Variants in TMEM132C observed in about 807,000 individuals in gnomAD.
The protein encoded by TMEM132C is protein phosphatase 1, regulatory subunit 152.
Under a neutral mutation model 61.4 loss-of-function variants are expected in TMEM132C, and 29 were observed. The observed-to-expected ratio is 0.47, with a 90% CI of 0.35 to 0.64. The LOEUF (loss-of-function observed/expected upper bound fraction) is 0.64. Ranked by LOEUF, TMEM132C falls within the 30% of genes least tolerant of loss-of-function variation. The pLI is 0.00. For missense variants in TMEM132C, 1,408 were observed against 1,476.9 expected (o/e 0.95, Z 0.76); for synonymous variants, 656 against 633.1 (o/e 1.04, Z -0.54).
intron 1 of TMEM132C, among the ~76,000 whole-genome samples, chr12:128,395,585 C>G (rs1164749859): frequency 1.3e-5 from 2 of 152,178 alleles, no homozygotes; most frequent in African/African-American, 4.8e-5. Context: ...GTGTTCAGAA[C>G]ACTTACATTA....
At chr12:128,307,929 C>T (rs1871838340) in intron 1 of TMEM132C, among the ~76,000 whole-genome samples, 1 of 152,190 alleles carries the variant, frequency 6.6e-6, no homozygotes, top group Non-Finnish European at 1.5e-5. Context: ...GACTGTCAGT[C>T]CCTTAGGGTG....
chr12:128,379,073 C>G (rs927091762), intron 1 of TMEM132C, among the ~76,000 whole-genome samples: 1 of 152,170 alleles, frequency 6.6e-6, no homozygotes, highest in Non-Finnish European at 1.5e-5. Context: ...GTAAATGGCC[C>G]AGTCTTTGGT....
At chr12:128,562,164 T>G (rs991049568) in intron 3 of TMEM132C, among the ~76,000 whole-genome samples, 1 of 152,198 alleles carries the variant, frequency 6.6e-6, no homozygotes. Flanking sequence ...CCATGTGGCT[T>G]GGCGCCAAGC....
intron 4 of TMEM132C, among the ~76,000 whole-genome samples, chr12:128,625,682 A>G (rs1486762403): frequency 1.3e-5 from 2 of 152,240 alleles, no homozygotes; most frequent in African/African-American, 4.8e-5. Flanking sequence ...CCGTGATTCA[A>G]TTATTTCCCA....
intron 2 of TMEM132C, among the ~76,000 whole-genome samples, chr12:128,534,365 G>A (rs12366290): frequency 0.54 from 82,821 of 152,050 alleles, 23,281 homozygotes; most frequent in Non-Finnish European, 0.61. Context: ...ATGCATTGCA[G>A]TGTCTAGCAC....
At chr12:128,482,676 C>T (rs781739775) in intron 2 of TMEM132C, among the ~76,000 whole-genome samples, 1 of 151,960 alleles carries the variant, frequency 6.6e-6, no homozygotes, top group East Asian at 1.9e-4. Context: ...TTCAGGGATT[C>T]GACTTCTTCC....
chr12:128,581,319 A>G (rs915839422), intron 3 of TMEM132C, among the ~76,000 whole-genome samples: 8 of 151,942 alleles, frequency 5.3e-5, no homozygotes, highest in East Asian at 1.9e-4. Context: ...TGCAAATCAC[A>G]GTGAGTTCCA....
At chr12:128,332,616 C>T (rs1375686701) in intron 1 of TMEM132C, among the ~76,000 whole-genome samples, 8 of 152,228 alleles carry the variant, frequency 5.3e-5, no homozygotes, top group African/African-American at 1.7e-4. Flanking sequence ...GCCGTAGGCT[C>T]CTGCAGCAAC....
At chr12:128,601,221 G>C (rs1300113467) in intron 3 of TMEM132C, among the ~76,000 whole-genome samples, 2 of 152,166 alleles carry the variant, frequency 1.3e-5, no homozygotes, top group African/African-American at 4.8e-5. Context: ...GGATGCGTCT[G>C]TCCTCCTCTC....
intron 1 of TMEM132C, among the ~76,000 whole-genome samples, chr12:128,312,146 G>A (rs545019707): frequency 1.3e-5 from 2 of 152,300 alleles, no homozygotes; most frequent in African/African-American, 2.4e-5. Flanking sequence ...GGTGCCTTCT[G>A]TGGGTGTGAA....
intron 2 of TMEM132C, among the ~76,000 whole-genome samples, chr12:128,511,872 G>A (rs1872576553): frequency 6.6e-6 from 1 of 152,156 alleles, no homozygotes; most frequent in South Asian, 2.1e-4. Flanking sequence ...AGATACTCCT[G>A]CAGGCTCAGA....
chr12:128,401,600 A>G (rs1362105760), intron 1 of TMEM132C, among the ~76,000 whole-genome samples: 1 of 152,192 alleles, frequency 6.6e-6, no homozygotes, highest in African/African-American at 2.4e-5. Flanking sequence ...GATAAGTTTC[A>G]TCAAAGTCTG....
At chr12:128,700,390 A>G (rs767575513) in intron 8 of TMEM132C, among the ~76,000 whole-genome samples, 60 of 152,342 alleles carry the variant, frequency 3.9e-4, no homozygotes, top group Non-Finnish European at 7.1e-4. Flanking sequence ...GTTAGTCTCA[A>G]TCATGCAGCA....
At chr12:128,508,099 C>T (rs868272217) in intron 2 of TMEM132C, among the ~76,000 whole-genome samples, 6 of 152,184 alleles carry the variant, frequency 3.9e-5, no homozygotes, top group South Asian at 2.1e-4. Flanking sequence ...GAAGACATAC[C>T]TGAGACTGGG....
In TMEM132C at chr12:128,630,936, A is replaced by T. The variant is rs1244194144; in HGVS notation, c.1305+14601A>T. Among the ~76,000 whole-genome samples, 1 of 152,140 alleles carries T rather than the reference A, an allele frequency of 6.6e-6. No homozygotes were observed. Among genetic ancestry groups the T allele is most frequent in the Non-Finnish European group, 1.5e-5 (1 of 68,036 alleles). The stretch of plus-strand genomic sequence containing the variant: ...ATTCCCAGCTACTCAGGAGGCTGAG[A>T]CACGAGAATCGCTTGAACCTGGGAG... On this transcript the variant is annotated intron_variant, in intron 4 of 8. Coordinates refer to ENST00000435159, the MANE Select transcript of TMEM132C (RefSeq NM_001136103.3). The surrounding 1 kb of genome is among the most constrained non-coding windows in gnomAD (Gnocchi z 4.3).
At chr12:128,411,071 G>A (rs545909977) in intron 1 of TMEM132C, among the ~76,000 whole-genome samples, 2 of 152,118 alleles carry the variant, frequency 1.3e-5, no homozygotes, top group Non-Finnish European at 2.9e-5. Context: ...CTAGGGAACC[G>A]ATATTGTCTT....
rs1161187673 is a variant in TMEM132C at position 128,706,816 on chromosome 12, A to T, written c.*521A>T. The stretch of plus-strand genomic sequence containing the variant: ...TTCTTAACAAGGGATGCCTCTTGGG[A>T]TAGAACTAGGGAGTTTTAAATCTTT... On this transcript the variant is annotated 3_prime_UTR_variant, in exon 9 of 9. Coordinates refer to ENST00000435159, the MANE Select transcript of TMEM132C (RefSeq NM_001136103.3). The T allele has an allele frequency of 6.6e-6, 1 of 152,480 alleles. No individual in the cohort carries two copies. The highest frequency in any genetic ancestry group is 2.4e-5 in the African/African-American group (1 of 41,424). 9.4% of individuals were successfully genotyped at this position (152,480 alleles called of 1,614,324 possible). A position where few individuals can be genotyped will look rare whatever the true frequency, so the allele number is the denominator to read the frequency against.
chr12:128,677,889 CCCAG>C (rs1255019184), intron 5 of TMEM132C, among the ~76,000 whole-genome samples: 1 of 152,226 alleles, frequency 6.6e-6, no homozygotes, highest in Non-Finnish European at 1.5e-5. Flanking sequence ...CTGGCTTTTC[CCCAG>C]TGACCAAAGG....
chr12:128,515,101 T>C (rs1173786211), intron 2 of TMEM132C, among the ~76,000 whole-genome samples: 1 of 152,236 alleles, frequency 6.6e-6, no homozygotes, highest in Non-Finnish European at 1.5e-5. Context: ...TAAAATCGAA[T>C]AATCTTTCAT....
Sources: allele counts gnomAD v4.1 joint callset (sites outside exome capture counted in the v4.1 genomes callset), GRCh38; gene constraint gnomAD v4.1.1; non-coding constraint Gnocchi (gnomAD v3.1); transcripts MANE v1.5; gene names NCBI Gene and HGNC (gene_info 2026-07-23, HGNC 2026-07-21).